The following ROBO2 variants were observed in gnomAD, a reference collection of about 807,000 sequenced individuals.
ROBO2 encodes roundabout guidance receptor 2, also known as roundabout homolog 2.
ROBO2 carries 53 observed loss-of-function variants against 160.8 expected under a neutral mutation model. That is an observed-to-expected ratio of 0.33 (90% CI 0.26 to 0.41). The LOEUF (loss-of-function observed/expected upper bound fraction) is 0.41. Ranked by LOEUF, ROBO2 falls within the 10% of genes least tolerant of loss-of-function variation. The probability of loss-of-function intolerance (pLI) is 1.00; values close to 1 mark genes in which losing one functional copy is unlikely to be tolerated. For synonymous variants in ROBO2, 664 were observed against 611.7 expected, an observed-to-expected ratio of 1.09 and a Z score of -1.26; for missense variants, 1,577 against 1,722.4, an observed-to-expected ratio of 0.92 and a Z score of 1.49.
intron 2 of ROBO2, among the ~76,000 whole-genome samples, chr3:76,137,672 C>T (rs1232251200): frequency 6.6e-6 from 1 of 151,426 alleles, no homozygotes; most frequent in Non-Finnish European, 1.5e-5. Context: ...CAGAGTTGCT[C>T]TTCTTTCTGG....
chr3:76,754,581 T>A (rs1337723599), intron 2 of ROBO2, among the ~76,000 whole-genome samples: 2 of 151,964 alleles, frequency 1.3e-5, no homozygotes, highest in Non-Finnish European at 2.9e-5. Context: ...TTACTTGTGG[T>A]AATACTGTTT....
At chr3:76,004,717 G>A (rs188465391) in intron 2 of ROBO2, among the ~76,000 whole-genome samples, 2 of 151,990 alleles carry the variant, frequency 1.3e-5, no homozygotes, top group East Asian at 3.9e-4. Flanking sequence ...CGTTATATTG[G>A]GTATTAGATT....
rs1205341095 is a variant in ROBO2 at position 76,367,159 on chromosome 3, A to G, written c.109+429557A>G. On this transcript the variant is annotated intron_variant, in intron 2 of 26. Coordinates refer to the ROBO2 transcript ENST00000487694. ...AGAGATTATTTGCTTTAAATTTATT[A>G]TATCATGTGGAATAATCAATTTACC... is the stretch of plus-strand genomic sequence containing the variant. Among the ~76,000 whole-genome samples the G allele has an allele frequency of 2.0e-5, 3 of 152,136 alleles. No homozygotes were observed. In the South Asian group the frequency reaches 6.2e-4, roughly 31 times the overall value.
chr3:76,699,714 G>A (rs990033109), intron 2 of ROBO2, among the ~76,000 whole-genome samples: 5 of 152,058 alleles, frequency 3.3e-5, no homozygotes, highest in African/African-American at 1.2e-4. Context: ...CTGAACCATT[G>A]ATGCCTTGTA....
intron 2 of ROBO2, among the ~76,000 whole-genome samples, chr3:76,238,064 CA>C (rs1303669152): frequency 6.6e-6 from 1 of 151,976 alleles, no homozygotes; most frequent in Non-Finnish European, 1.5e-5. Flanking sequence ...GGTACTATGG[CA>C]AAAAGGTCTG....
chr3:77,251,625 C>G (rs114372130), intron 2 of ROBO2, among the ~76,000 whole-genome samples: 3,429 of 152,182 alleles, frequency 0.023, 156 homozygotes, highest in African/African-American at 0.079. Flanking sequence ...CGTCCCGACC[C>G]GAATCTCACC....
chr3:76,255,512 T>C (rs1283103204), intron 2 of ROBO2, among the ~76,000 whole-genome samples: 2 of 151,992 alleles, frequency 1.3e-5, no homozygotes, highest in African/African-American at 4.8e-5. Context: ...TCTCCAAAAT[T>C]GAGGGCTGAA....
chr3:77,134,677 C>T (rs1219874409), intron 2 of ROBO2, among the ~76,000 whole-genome samples: 1 of 152,192 alleles, frequency 6.6e-6, no homozygotes, highest in African/African-American at 2.4e-5. Context: ...ATGTCTCAGT[C>T]TATTCTTGAT....
chr3:76,971,359 T>G (rs1215646174), intron 2 of ROBO2, among the ~76,000 whole-genome samples: 1 of 152,164 alleles, frequency 6.6e-6, no homozygotes, highest in Non-Finnish European at 1.5e-5. Context: ...ATTTCCATTT[T>G]TTTCTAAATA....
intron 2 of ROBO2, among the ~76,000 whole-genome samples, chr3:76,167,741 C>A (rs2072892083): frequency 6.6e-6 from 1 of 152,080 alleles, no homozygotes; most frequent in African/African-American, 2.4e-5. Flanking sequence ...AACAAGTTGA[C>A]TTTCTTTACA....
At chr3:77,404,303 G>C (rs1178289913) in intron 2 of ROBO2, among the ~76,000 whole-genome samples, 1 of 152,098 alleles carries the variant, frequency 6.6e-6, no homozygotes, top group Non-Finnish European at 1.5e-5. Context: ...TCTCTTAGTT[G>C]TGTTTATATG....
chr3:76,674,585 C>T (rs2092357356), intron 2 of ROBO2, among the ~76,000 whole-genome samples: 1 of 134,226 alleles, frequency 7.5e-6, no homozygotes. Context: ...CTAACCCTAG[C>T]CCACCTCCTA....
chr3:77,521,938 G>T (rs779943602), intron 5 of ROBO2, among the ~76,000 whole-genome samples: 4 of 151,170 alleles, frequency 2.6e-5, no homozygotes, highest in Admixed American at 1.3e-4. Flanking sequence ...GAGAAGCAAG[G>T]TGGCCAATCA....
intron 2 of ROBO2, among the ~76,000 whole-genome samples, chr3:76,076,565 G>A (rs548615026): frequency 2.6e-5 from 4 of 152,230 alleles, no homozygotes; most frequent in East Asian, 1.9e-4. Context: ...TTTAACCTGC[G>A]TAAAGTCTTT....
At chr3:77,344,848 A>G (rs2067458136) in intron 2 of ROBO2, among the ~76,000 whole-genome samples, 1 of 152,018 alleles carries the variant, frequency 6.6e-6, no homozygotes, top group Non-Finnish European at 1.5e-5. Flanking sequence ...TTTTGGTCTC[A>G]AATGTTTTCT....
chr3:76,561,355 T>C (rs189938543), intron 2 of ROBO2, among the ~76,000 whole-genome samples: 4 of 152,220 alleles, frequency 2.6e-5, no homozygotes, highest in Admixed American at 2.6e-4. Flanking sequence ...ATACTAACAA[T>C]GCAGATAATA....
intron 2 of ROBO2, among the ~76,000 whole-genome samples, chr3:76,043,620 C>CAA (rs56988287): frequency 0.028 from 1,085 of 38,436 alleles, 207 homozygotes; most frequent in African/African-American, 0.086. Flanking sequence ...CTTCATCGTC[C>CAA]AAAAAAAAAA....
At chr3:76,691,519 C>T (rs913292777) in intron 2 of ROBO2, among the ~76,000 whole-genome samples, 15 of 151,252 alleles carry the variant, frequency 9.9e-5, no homozygotes, top group African/African-American at 2.7e-4. Flanking sequence ...TATTAATGAG[C>T]GGAAAAAAAT....
intron 2 of ROBO2, among the ~76,000 whole-genome samples, chr3:76,985,239 A>G (rs1215475852): frequency 6.6e-6 from 1 of 152,170 alleles, no homozygotes; most frequent in Non-Finnish European, 1.5e-5. Context: ...TATACTGAAT[A>G]ACTTTAAAAT....
Sources: gnomAD v4.1 joint callset for allele counts (sites outside exome capture counted in the v4.1 genomes callset) on GRCh38, gnomAD v4.1.1 for gene constraint, MANE v1.5 for transcripts, NCBI Gene and HGNC (gene_info 2026-07-23, HGNC 2026-07-21) for gene names.